Variants in DHODH observed in about 807,000 individuals in gnomAD.
DHODH encodes the protein dihydroorotate dehydrogenase (quinone).
A neutral mutation model predicts 39.7 loss-of-function variants in DHODH; 30 were observed. That is an observed-to-expected ratio of 0.76 (90% confidence interval 0.57 to 1.02). The LOEUF is 1.02. Ranked by LOEUF, DHODH falls within the 50% of genes least tolerant of loss-of-function variation. DHODH has a pLI of 0.00. For missense variants in DHODH, 531 were observed against 520.8 expected (o/e 1.02, Z -0.19); for synonymous variants, 222 against 213.8 (o/e 1.04, Z -0.34).
chr16:72,021,336 G>GC, intron 5 of DHODH, 25 bp downstream of exon 5: 1 of 1,580,070 alleles, frequency 6.3e-7, no homozygotes, highest in Non-Finnish European at 8.6e-7. Context: ...CCCTCTCCAG[G>GC]CCCTGTCCCA....
At chr16:72,023,750 T>G in intron 8 of DHODH, 117 bp downstream of exon 8, 1 of 1,435,538 alleles carries the variant, frequency 7.0e-7, no homozygotes, top group Non-Finnish European at 9.6e-7. Context: ...AGTTGAGGGG[T>G]ACACTCTGAA....
At chr16:72,019,607 T>C (rs1278318141) in intron 4 of DHODH, among the ~76,000 whole-genome samples, 2 of 152,228 alleles carry the variant, frequency 1.3e-5, no homozygotes, top group African/African-American at 4.8e-5. Context: ...AGTCCATTGA[T>C]AGTCCTGTGG....
chr16:72,015,677 A>C, intron 3 of DHODH: 1 of 985,112 alleles, frequency 1.0e-6, no homozygotes. Context: ...TTTCTGCTGC[A>C]TTGCAGGTGG....
At position 72,025,942 on chromosome 16, in the gene DHODH, G is replaced by T. The variant is rs767381447; in HGVS notation, c.*1743G>T. 3 of 152,280 alleles carry T rather than the reference G, an allele frequency of 2.0e-5. No individual in the cohort carries two copies. The highest frequency in any genetic ancestry group is 6.5e-5 in the Admixed American group (1 of 15,288). The allele number at this position is 152,280 out of a possible 1,614,324, so 9.4% of individuals were successfully genotyped here. Reference sequence around the variant, plus strand: ...GCGTGGAGGCTGCTTGGCTGGGCTCGAGCCCAGCGGTGTGGTCATAGAGCA... The same window carrying T: ...GCGTGGAGGCTGCTTGGCTGGGCTCTAGCCCAGCGGTGTGGTCATAGAGCA... On this transcript the variant is annotated 3_prime_UTR_variant, in exon 9 of 9. Coordinates refer to ENST00000219240, the MANE Select transcript of DHODH (RefSeq NM_001361.5).
At chr16:72,011,998 A>G in intron 1 of DHODH, 52 bp from the exon 2 acceptor site, 1 of 1,498,886 alleles carries the variant, frequency 6.7e-7, no homozygotes, top group Non-Finnish European at 9.3e-7. Flanking sequence ...GGGCTCAGGA[A>G]GGGTGCTGCA....
chr16:72,020,372 T>TATA (rs746414347), intron 4 of DHODH: 27 of 70,886 alleles, frequency 3.8e-4, no homozygotes, highest in East Asian at 1.4e-3. Context: ...TATATATATA[T>TATA]TTTTTTTTTT....
rs1862752 is a variant in DHODH at position 72,021,085 on chromosome 16, G to C, written c.518-39G>C. ...CAGCCTCAGAAGGTGGCACAGGAAA[G>C]GGTGTGCGGGGTGCAGGCCTGACCA... is the stretch of plus-strand genomic sequence containing the variant. On this transcript the variant is annotated intron_variant, in intron 4 of 8. Transcript: ENST00000219240. The C allele has an allele frequency of 6.4e-6, 10 of 1,558,764 alleles. 1 individual carries two copies. Among genetic ancestry groups the C allele is most frequent in the Non-Finnish European group, 6.1e-6 (7 of 1,147,342 alleles).
chr16:72,020,372 T>TATGTATATATATATATATA (rs746414347), intron 4 of DHODH: 1 of 70,890 alleles, frequency 1.4e-5, no homozygotes, highest in African/African-American at 6.6e-5. Flanking sequence ...TATATATATA[T>TATGTATATATATATATATA]TTTTTTTTTT....
At chr16:72,013,243 T>C (rs2041104574) in intron 2 of DHODH, among the ~76,000 whole-genome samples, 1 of 152,196 alleles carries the variant, frequency 6.6e-6, no homozygotes, top group South Asian at 2.1e-4. Context: ...ACAGGCACTG[T>C]AGGCTCAGAA....
intron 3 of DHODH, chr16:72,015,859 G>A (rs1335814851): frequency 1.0e-6 from 1 of 985,396 alleles, no homozygotes; most frequent in Non-Finnish European, 1.2e-6. Context: ...GTGGCATGTG[G>A]TAAGTGTGTA....
chr16:72,016,582 G>A (rs903316628), intron 3 of DHODH: 11 of 282,716 alleles, frequency 3.9e-5, no homozygotes, highest in Admixed American at 1.4e-4. Context: ...TTGCAGCTGC[G>A]AGCTCTGTGC....
chr16:72,011,724 T>C (rs1301091339), intron 1 of DHODH, among the ~76,000 whole-genome samples: 3 of 152,214 alleles, frequency 2.0e-5, no homozygotes, highest in Non-Finnish European at 2.9e-5. Flanking sequence ...TGTCTGACTT[T>C]ATGGATTCCT....
At chr16:72,015,756 C>T (rs1258301115) in intron 3 of DHODH, 2 of 985,308 alleles carry the variant, frequency 2.0e-6, no homozygotes, top group Non-Finnish European at 2.4e-6. Flanking sequence ...CAGATAACTG[C>T]AGGTGCTGGG....
At position 72,021,306 on chromosome 16, in the gene DHODH, A is replaced by G; in HGVS notation, c.700A>G (p.Thr234Ala). 6.2e-7 allele frequency: 1 copy of G among 1,604,442 alleles called. No individual in the cohort carries two copies. The highest frequency in any genetic ancestry group is 8.5e-7 in the Non-Finnish European group (1 of 1,177,342). Residue 234 changes from threonine to alanine, a missense_variant, in exon 5 of 9, where the codon ACC (threonine) becomes GCC (alanine). Physicochemically the swap from Thr to Ala is moderately conservative, Grantham distance 58. Transcript: ENST00000219240. ...QGKAELRRLL[T>A]KVLQERDGLR... is the part of the protein sequence containing the mutation. ...AAAGGCCGAGCTGCGCCGCCTGCTG[A>G]CCAAGGTGGGCAGCTGCACCCCTCT...
Position 72,021,307 on chromosome 16 carries a change from C to A in DHODH, c.701C>A (p.Thr234Asn). ...QGKAELRRLLTKVLQERDGLR... is the reference protein window; with the variant it reads ...QGKAELRRLLNKVLQERDGLR... ...AAGGCCGAGCTGCGCCGCCTGCTGA[C>A]CAAGGTGGGCAGCTGCACCCCTCTC... Residue 234 changes from threonine (T) to asparagine (N), a missense_variant, in exon 5 of 9, where the codon ACC becomes AAC. Coordinates refer to ENST00000219240, the MANE Select transcript of DHODH (RefSeq NM_001361.5). 6.2e-7 allele frequency: 1 copy of A among 1,603,812 alleles called. No homozygotes were observed. The highest frequency in any genetic ancestry group is 8.5e-7 in the Non-Finnish European group (1 of 1,177,120).
intron 3 of DHODH, chr16:72,016,673 A>AG (rs2041144919): frequency 2.8e-6 from 1 of 363,468 alleles, no homozygotes. Flanking sequence ...GAGTGGCTGC[A>AG]GGGGCTTCAG....
Position 72,024,132 on chromosome 16 carries a change from G to T in DHODH, c.1134-13G>T. 6.2e-7 allele frequency: 1 copy of T among 1,614,148 alleles called. No homozygotes were observed. Among genetic ancestry groups the T allele is most frequent in the Non-Finnish European group, 8.5e-7 (1 of 1,180,000 alleles). ...ACTGTTTGCTGAAATTGCTTTGTTTGCTCTTTTTCCAGAGAGCAGGGCTTT... is the reference window on the plus strand; with the variant it reads ...ACTGTTTGCTGAAATTGCTTTGTTTTCTCTTTTTCCAGAGAGCAGGGCTTT... On this transcript the variant is annotated splice_polypyrimidine_tract_variant and intron_variant, in intron 8 of 8. Coordinates refer to ENST00000219240, the MANE Select transcript of DHODH (RefSeq NM_001361.5).
chr16:72,009,696 C>T (rs2041062261), intron 1 of DHODH, among the ~76,000 whole-genome samples: 1 of 151,574 alleles, frequency 6.6e-6, no homozygotes, highest in African/African-American at 2.4e-5. Context: ...CTCACTGCAA[C>T]CTCCGCCTCC....
At chr16:72,010,644 G>A (rs965709878) in intron 1 of DHODH, among the ~76,000 whole-genome samples, 1 of 152,198 alleles carries the variant, frequency 6.6e-6, no homozygotes. Context: ...AAAGCATTGT[G>A]AACCACTTTT....
Sources: allele counts gnomAD v4.1 joint callset (sites outside exome capture counted in the v4.1 genomes callset), GRCh38; gene constraint gnomAD v4.1.1; transcripts MANE v1.5; gene names NCBI Gene and HGNC (gene_info 2026-07-23, HGNC 2026-07-21).